The following HIP1 variants were observed in gnomAD, a reference collection of about 807,000 sequenced individuals.
HIP1 encodes huntingtin interacting protein 1.
A neutral mutation model predicts 147.6 loss-of-function variants in HIP1; 65 were observed. The ratio of observed to expected loss-of-function variants is 0.44; its 90% confidence interval spans 0.36 to 0.54. HIP1 has a LOEUF of 0.54. Ranked by LOEUF, HIP1 falls within the 20% of genes least tolerant of loss-of-function variation. HIP1 has a pLI of 0.00. For missense variants in HIP1, 1,061 were observed against 1,299.6 expected, an observed-to-expected ratio of 0.82 and a Z score of 2.82; for synonymous variants, 479 against 504.0, an observed-to-expected ratio of 0.95 and a Z score of 0.67.
In HIP1 at chr7:75,592,389, G is replaced by A. The variant is rs1290988309; in HGVS notation, c.310C>T (p.Arg104Ter). 2.5e-6 allele frequency: 4 copies of A among 1,609,240 alleles called. No homozygotes were observed. The highest frequency in any genetic ancestry group is 3.4e-6 in the Non-Finnish European group (4 of 1,178,644). The stretch of plus-strand genomic sequence containing the variant: ...GAACTCACGTTCGGGTGTCCATCTC[G>A]GAGGAGTTTGTGGAACACATGGCAG... ...KFCHVFHKLLRDGHPNVLKDS... is the reference protein window; with the variant it reads ...KFCHVFHKLL The change falls in exon 3 of 31, where the codon CGA (arginine) becomes TGA (stop). Residue 104 changes from arginine to a stop codon, truncating the protein, a stop_gained. Transcript: ENST00000336926. LOFTEE classifies it high-confidence loss of function.
intron 4 of HIP1, among the ~76,000 whole-genome samples, chr7:75,590,514 T>C (rs73139375): frequency 0.019 from 2,817 of 151,810 alleles, 32 homozygotes; most frequent in African/African-American, 0.025. Context: ...ATAGAAAACA[T>C]AGAATAAAAT....
At chr7:75,571,232 C>A (rs587767044) in intron 8 of HIP1, among the ~76,000 whole-genome samples, 2 of 152,206 alleles carry the variant, frequency 1.3e-5, no homozygotes, top group South Asian at 4.1e-4. Context: ...CAGCTTAACT[C>A]CCCATTTTAC....
chr7:75,647,450 C>A (rs1554511281), intron 1 of HIP1, among the ~76,000 whole-genome samples: 5 of 152,074 alleles, frequency 3.3e-5, no homozygotes, highest in African/African-American at 1.2e-4. Flanking sequence ...TGTGCCTCAG[C>A]CTCAGTTTTA....
chr7:75,633,294 CGT>C (rs1198568493), intron 1 of HIP1, among the ~76,000 whole-genome samples: 3 of 152,052 alleles, frequency 2.0e-5, no homozygotes, highest in African/African-American at 7.2e-5. Context: ...CTATTTCACT[CGT>C]GTTTTTATTT....
intron 1 of HIP1, among the ~76,000 whole-genome samples, chr7:75,607,332 C>T (rs1338765872): frequency 1.3e-5 from 2 of 148,530 alleles, no homozygotes; most frequent in African/African-American, 2.5e-5. Flanking sequence ...TGGGTTCAAG[C>T]GATTCTCCTG....
chr7:75,583,086 TC>T (rs1554498901), intron 5 of HIP1, among the ~76,000 whole-genome samples: 1 of 152,092 alleles, frequency 6.6e-6, no homozygotes, highest in African/African-American at 2.4e-5. Context: ...GCCCTTTCAG[TC>T]CTCTCCTGCC....
chr7:75,714,067 T>G lies in HIP1; in HGVS notation c.120+24734A>C, dbSNP rs185348357. ...TTTTTTCTTTTTGTTTGAGATGGAG[T>G]CTCACTCTTTCATCTAGGCTGGAGT... On this transcript the variant is annotated intron_variant, in intron 1 of 30. Coordinates refer to ENST00000336926, the MANE Select transcript of HIP1 (RefSeq NM_005338.7). Among the ~76,000 whole-genome samples, 3 of 151,234 alleles carry G rather than the reference T, an allele frequency of 2.0e-5. No homozygotes were observed. The East Asian group carries it at 5.8e-4, about 29-fold the overall frequency.
At chr7:75,603,390 G>A (rs373763565) in intron 1 of HIP1, among the ~76,000 whole-genome samples, 184 of 151,164 alleles carry the variant, frequency 1.2e-3, no homozygotes, top group African/African-American at 2.7e-3. Flanking sequence ...TTCAGAGACA[G>A]TATTGCCCTA....
At chr7:75,548,024 A>G (rs1716825932) in intron 23 of HIP1, among the ~76,000 whole-genome samples, 1 of 151,534 alleles carries the variant, frequency 6.6e-6, no homozygotes, top group Admixed American at 6.6e-5. Context: ...TGGCTCTGTG[A>G]TCCGTGTCAT....
chr7:75,683,258 G>A (rs1387206784), intron 1 of HIP1, among the ~76,000 whole-genome samples: 3 of 152,080 alleles, frequency 2.0e-5, no homozygotes, highest in African/African-American at 7.2e-5. Flanking sequence ...TGGGATTACA[G>A]GTGTCAGCCA....
chr7:75,716,664 C>T (rs960117653), intron 1 of HIP1, among the ~76,000 whole-genome samples: 2 of 151,672 alleles, frequency 1.3e-5, no homozygotes, highest in African/African-American at 2.4e-5. Context: ...GGACTATAGG[C>T]GCCCACCAAC....
At chr7:75,632,796 T>C (rs1798278753) in intron 1 of HIP1, among the ~76,000 whole-genome samples, 1 of 152,140 alleles carries the variant, frequency 6.6e-6, no homozygotes. Context: ...TTTACTGTGG[T>C]ACACATACAC....
At chr7:75,601,449 C>T (rs1043978740) in intron 1 of HIP1, among the ~76,000 whole-genome samples, 5 of 151,718 alleles carry the variant, frequency 3.3e-5, no homozygotes, top group Admixed American at 6.6e-5. Flanking sequence ...ATTAGCTGGG[C>T]GTGGTGACGG....
At chr7:75,565,068 G>C (rs587597873) in intron 9 of HIP1, among the ~76,000 whole-genome samples, 1 of 152,242 alleles carries the variant, frequency 6.6e-6, no homozygotes, top group South Asian at 2.1e-4. Context: ...AGGGGTACAT[G>C]GGCCTTAAAT....
intron 1 of HIP1, among the ~76,000 whole-genome samples, chr7:75,698,489 TGAG>T (rs1800707912): frequency 2.6e-5 from 4 of 152,042 alleles, no homozygotes; most frequent in Admixed American, 2.0e-4. Flanking sequence ...TAAAAAGAAA[TGAG>T]GAAGTCTATT....
intron 1 of HIP1, among the ~76,000 whole-genome samples, chr7:75,637,990 CCCCACACACACACATACACACA>C (rs1272165001): frequency 1.6e-4 from 7 of 43,552 alleles, no homozygotes; most frequent in Non-Finnish European, 2.3e-4. Context: ...CCCCCCCCCC[CCCCACACACACACATACACACA>C]CACACACACA....
intron 1 of HIP1, among the ~76,000 whole-genome samples, chr7:75,701,396 A>G (rs1488242934): frequency 6.6e-6 from 1 of 150,524 alleles, no homozygotes; most frequent in African/African-American, 2.4e-5. Flanking sequence ...TCTGTCTCAA[A>G]AACAAAACAA....
At chr7:75,545,001 A>AT (rs60028636) in intron 26 of HIP1, 87 bp downstream of exon 26, 122,710 of 854,706 alleles carry the variant, frequency 0.14, 8,735 homozygotes, top group Non-Finnish European at 0.16. Flanking sequence ...TAAGGGACAG[A>AT]TTTTTTTTTC....
chr7:75,602,810 C>CA (rs1797057817), intron 1 of HIP1, among the ~76,000 whole-genome samples: 1 of 148,774 alleles, frequency 6.7e-6, no homozygotes, highest in Admixed American at 6.8e-5. Context: ...CAACCCCCCC[C>CA]ACCCCGTACC....
Sources: allele counts gnomAD v4.1 joint callset (sites outside exome capture counted in the v4.1 genomes callset), GRCh38; gene constraint gnomAD v4.1.1; transcripts MANE v1.5; gene names NCBI Gene and HGNC (gene_info 2026-07-23, HGNC 2026-07-21).